PTPN1: variants seen among roughly 807,000 people sequenced by gnomAD.
PTPN1 encodes the protein tyrosine-protein phosphatase non-receptor type 1.
Under a neutral mutation model 59.9 loss-of-function variants are expected in PTPN1, and 12 were observed. That is an observed-to-expected ratio of 0.20 (90% CI 0.13 to 0.32). PTPN1 has a LOEUF of 0.32. Among genes scored for constraint, PTPN1 ranks in the 10% least tolerant of loss-of-function variants. The probability of loss-of-function intolerance (pLI) is 1.00; values close to 1 mark genes in which losing one functional copy is unlikely to be tolerated. For synonymous variants in PTPN1, 178 were observed against 203.6 expected (o/e 0.87, Z 1.07); for missense variants, 356 against 549.2 (o/e 0.65, Z 3.52).
At chr20:50,575,401 C>T (rs2082831500) in intron 5 of PTPN1, among the ~76,000 whole-genome samples, 2 of 152,180 alleles carry the variant, frequency 1.3e-5, no homozygotes, top group South Asian at 4.1e-4. Context: ...CCTCTTCTGT[C>T]AAACTCAGGT....
intron 8 of PTPN1, among the ~76,000 whole-genome samples, chr20:50,580,764 T>C (rs971167645): frequency 2.0e-5 from 3 of 152,196 alleles, no homozygotes; most frequent in Non-Finnish European, 4.4e-5. Flanking sequence ...TAGTTGTGTT[T>C]GTTGTGGCAT....
intron 1 of PTPN1, among the ~76,000 whole-genome samples, chr20:50,556,484 G>A (rs1310589325): frequency 6.6e-6 from 1 of 151,996 alleles, no homozygotes; most frequent in South Asian, 2.1e-4. Context: ...ACCACCACTC[G>A]AGCTCCATCA....
intron 4 of PTPN1, among the ~76,000 whole-genome samples, chr20:50,569,725 C>T (rs1568793693): frequency 6.6e-6 from 1 of 151,422 alleles, no homozygotes; most frequent in Admixed American, 6.6e-5. Context: ...CTCTGTAGAC[C>T]GTCGTGTATA....
In PTPN1 at chr20:50,579,963, G is replaced by A. The variant is rs1399758342; in HGVS notation, c.1088+37G>A. 15 of 1,578,376 alleles carry A rather than the reference G, an allele frequency of 9.5e-6. No homozygotes were observed. The East Asian group carries it at 2.5e-4, about 26-fold the overall frequency. ...GGGTCCCAGCTTGTTGGGGTGAGGG[G>A]AAATGACTTTCTGTTCTAGAAACAC... On this transcript the variant is annotated intron_variant, in intron 8 of 9. Coordinates refer to ENST00000371621, the MANE Select transcript of PTPN1 (RefSeq NM_002827.4).
Position 50,584,778 on chromosome 20 carries a change from A to G in PTPN1, c.*2063A>G, listed in dbSNP as rs1229363338. ...AGAACATGAATTTGGGGTGCTTCCC[A>G]TTTTTTTCTTTGCTTAATAGAGCTA... is the stretch of plus-strand genomic sequence containing the variant. On this transcript the variant is annotated 3_prime_UTR_variant, in exon 10 of 10. Transcript: ENST00000371621. 6.6e-6 allele frequency: 1 copy of G among 151,976 alleles called. No homozygotes were observed. The highest frequency in any genetic ancestry group is 1.5e-5 in the Non-Finnish European group (1 of 67,980). 9.4% of individuals were successfully genotyped at this position (151,976 alleles called of 1,614,324 possible).
At chr20:50,533,730 A>G (rs2082611599) in intron 1 of PTPN1, among the ~76,000 whole-genome samples, 1 of 151,596 alleles carries the variant, frequency 6.6e-6, no homozygotes, top group South Asian at 2.1e-4. Flanking sequence ...CCACTTCCGA[A>G]AGGTTCAGTC....
intron 1 of PTPN1, among the ~76,000 whole-genome samples, chr20:50,551,496 C>T (rs2082702016): frequency 6.6e-6 from 1 of 152,212 alleles, no homozygotes; most frequent in African/African-American, 2.4e-5. Flanking sequence ...AAACCATTTA[C>T]CTGTAAGCTT....
At chr20:50,537,990 A>T (rs928867663) in intron 1 of PTPN1, among the ~76,000 whole-genome samples, 1 of 152,178 alleles carries the variant, frequency 6.6e-6, no homozygotes, top group African/African-American at 2.4e-5. Context: ...TTTGCTCTTC[A>T]TCTTGAGTGG....
chr20:50,580,685 G>A (rs1191317090), intron 8 of PTPN1, among the ~76,000 whole-genome samples: 1 of 152,174 alleles, frequency 6.6e-6, no homozygotes, highest in African/African-American at 2.4e-5. Context: ...ACTTGACCCA[G>A]CAGTTGTATA....
In PTPN1 at chr20:50,532,681, G is replaced by A. The variant is rs147177298; in HGVS notation, c.63+22091G>A. 2.9e-3 allele frequency among the ~76,000 whole-genome samples: 440 copies of A among 152,250 alleles called. 1 individual carries two copies. Among genetic ancestry groups the A allele is most frequent in the Non-Finnish European group, 4.8e-3 (327 of 68,020 alleles). On this transcript the variant is annotated intron_variant, in intron 1 of 9. Transcript: ENST00000371621. ...ATATTATACATAATAATGATTGTAT[G>A]AATAAAAAACATTCTGGGCTCCATG... is the stretch of plus-strand genomic sequence containing the variant.
At chr20:50,564,248 G>A (rs1471876756) in intron 2 of PTPN1, among the ~76,000 whole-genome samples, 1 of 152,100 alleles carries the variant, frequency 6.6e-6, no homozygotes, top group Admixed American at 6.5e-5. Flanking sequence ...AATTCATGGT[G>A]GGTTTTGTTC....
rs1839705356 is a variant in PTPN1, at chr20:50,568,375, T to C, written c.256-5T>C. ...GTCACATGTTGTGTTATTGTGTCTT[T>C]GCAGGGCCCTTTGCCTAACACATGC... On this transcript the variant is annotated splice_region_variant and splice_polypyrimidine_tract_variant and intron_variant, in intron 3 of 9. Coordinates refer to ENST00000371621, the MANE Select transcript of PTPN1 (RefSeq NM_002827.4). The surrounding 1 kb of genome is among the most constrained non-coding windows in gnomAD (Gnocchi z 5.6). The C allele has an allele frequency of 1.9e-6, 3 of 1,613,356 alleles. No individual in the cohort carries two copies. Among genetic ancestry groups the C allele is most frequent in the Non-Finnish European group, 2.5e-6 (3 of 1,179,310 alleles).
intron 1 of PTPN1, among the ~76,000 whole-genome samples, chr20:50,511,964 CA>C (rs947707963): frequency 1.3e-5 from 2 of 152,140 alleles, no homozygotes; most frequent in Admixed American, 6.5e-5. Flanking sequence ...GCTTGACTAA[CA>C]AAAGCCTTTT....
chr20:50,581,167 T>G (rs2082866422), intron 8 of PTPN1, 98 bp from the exon 9 acceptor site: 6 of 1,485,054 alleles, frequency 4.0e-6, no homozygotes, highest in Non-Finnish European at 5.4e-6. Flanking sequence ...TGTCTACACG[T>G]GGCTTGTTTT....
intron 1 of PTPN1, among the ~76,000 whole-genome samples, chr20:50,519,653 C>A (rs1399042563): frequency 1.3e-5 from 2 of 152,146 alleles, no homozygotes; most frequent in African/African-American, 4.8e-5. Context: ...ATGGTACATG[C>A]TGTTTTATTT....
rs532090904 is a variant in PTPN1, at chr20:50,568,647, A to G, written c.354+169A>G. 6.6e-6 allele frequency among the ~76,000 whole-genome samples: 1 copy of G among 152,204 alleles called. No homozygotes were observed. Among genetic ancestry groups the G allele is most frequent in the Non-Finnish European group, 1.5e-5 (1 of 68,034 alleles). ...GCATATAAATGCATGTTGGTTGTCA[A>G]CCAGTTAATGAAGTGAATAAAAGGG... On this transcript the variant is annotated intron_variant, in intron 4 of 9. Transcript: ENST00000371621. The surrounding 1 kb of genome is among the most constrained non-coding windows in gnomAD (Gnocchi z 5.6).
intron 9 of PTPN1, among the ~76,000 whole-genome samples, chr20:50,581,843 C>T (rs76463607): frequency 0.022 from 3,332 of 149,974 alleles, 59 homozygotes; most frequent in Non-Finnish European, 0.034. Flanking sequence ...TTTGTTATTT[C>T]TGGAACAAAA....
chr20:50,544,276 G>A (rs1428990589), intron 1 of PTPN1, among the ~76,000 whole-genome samples: 2 of 152,094 alleles, frequency 1.3e-5, no homozygotes, highest in African/African-American at 2.4e-5. Context: ...TCAGCGTCCC[G>A]AGTAGCTGGG....
Position 50,516,285 on chromosome 20 carries a change from T to G in PTPN1, c.63+5695T>G, listed in dbSNP as rs534701085. On this transcript the variant is annotated intron_variant, in intron 1 of 9. Coordinates refer to ENST00000371621, the MANE Select transcript of PTPN1 (RefSeq NM_002827.4). ...CTTTGGCCTTTGATCAGACCACCCT[T>G]AGGGGCAAGAGAGTAGTTTCATGTT... Among the ~76,000 whole-genome samples the G allele has an allele frequency of 8.0e-4, 122 of 152,286 alleles. No homozygotes were observed. The Middle Eastern group carries it at 0.01, about 13-fold the overall frequency.
Sources: gnomAD v4.1 joint callset for allele counts (sites outside exome capture counted in the v4.1 genomes callset) on GRCh38, gnomAD v4.1.1 for gene constraint, Gnocchi (gnomAD v3.1) non-coding constraint, MANE v1.5 for transcripts, NCBI Gene and HGNC (gene_info 2026-07-23, HGNC 2026-07-21) for gene names.